The following PEBP4 variants were observed in gnomAD, a reference collection of about 807,000 sequenced individuals.
PEBP4 encodes phosphatidylethanolamine binding protein 4, also known as phosphatidylethanolamine-binding protein 4.
A neutral mutation model predicts 23.9 loss-of-function variants in PEBP4; 22 were observed. The observed-to-expected ratio is 0.92, with a 90% CI of 0.66 to 1.31. The LOEUF is 1.31. PEBP4 is among the 40% of genes most tolerant of loss of function. The pLI is 0.00. For synonymous variants in PEBP4, 112 were observed against 99.3 expected, an observed-to-expected ratio of 1.13 and a Z score of -0.76; for missense variants, 324 against 281.7, an observed-to-expected ratio of 1.15 and a Z score of -1.07.
chr8:22,733,834 GGGGAATTGGGGAGGGT>G (rs1804792104), intron 4 of PEBP4, among the ~76,000 whole-genome samples: 1 of 136,280 alleles, frequency 7.3e-6, no homozygotes, highest in Non-Finnish European at 1.6e-5. Flanking sequence ...GGTGGGGATG[GGGGAATTGGGGAGGGT>G]GGGGATGGGG....
chr8:22,741,871 A>G (rs927752386), intron 4 of PEBP4, among the ~76,000 whole-genome samples: 1 of 152,170 alleles, frequency 6.6e-6, no homozygotes, highest in African/African-American at 2.4e-5. Flanking sequence ...AACCATGACA[A>G]GGGCCCAGCT....
intron 4 of PEBP4, among the ~76,000 whole-genome samples, chr8:22,808,143 A>G (rs750452723): frequency 3.3e-5 from 5 of 149,784 alleles, no homozygotes; most frequent in Non-Finnish European, 5.9e-5. Flanking sequence ...CCATCCATTC[A>G]TCACTCCATC....
intron 2 of PEBP4, chr8:22,924,681 G>T (rs2128781491): frequency 1.0e-6 from 1 of 985,380 alleles, no homozygotes; most frequent in Non-Finnish European, 1.2e-6. Flanking sequence ...ATCCCTAGGG[G>T]AGCTTGCAGG....
intron 4 of PEBP4, among the ~76,000 whole-genome samples, chr8:22,740,495 C>T (rs1159675377): frequency 6.6e-6 from 1 of 152,182 alleles, no homozygotes; most frequent in Non-Finnish European, 1.5e-5. Context: ...GACTTCTACG[C>T]ACACTAAAGT....
intron 3 of PEBP4, among the ~76,000 whole-genome samples, chr8:22,841,270 G>T (rs112261616): frequency 2.0e-5 from 3 of 152,262 alleles, no homozygotes; most frequent in East Asian, 1.9e-4. Flanking sequence ...GGCCCTTTGA[G>T]GGGGTGGAAG....
intron 4 of PEBP4, among the ~76,000 whole-genome samples, chr8:22,742,400 G>A (rs920042315): frequency 2.6e-5 from 4 of 152,180 alleles, no homozygotes; most frequent in African/African-American, 4.8e-5. Flanking sequence ...GGGAAAGAGG[G>A]TGAGACCCCT....
At chr8:22,763,388 T>C (rs1056669448) in intron 4 of PEBP4, among the ~76,000 whole-genome samples, 72 of 152,370 alleles carry the variant, frequency 4.7e-4, no homozygotes, top group African/African-American at 1.7e-3. Context: ...TTCTTGGCTC[T>C]GGACACTGCC....
At chr8:22,821,984 C>CAAAAA (rs113380878) in intron 3 of PEBP4, among the ~76,000 whole-genome samples, 218 of 130,948 alleles carry the variant, frequency 1.7e-3, no homozygotes, top group African/African-American at 5.9e-3. Context: ...GACCTCGTCT[C>CAAAAA]AAAAAAAAAA....
intron 5 of PEBP4, among the ~76,000 whole-genome samples, chr8:22,725,894 C>A (rs1804613813): frequency 6.6e-6 from 1 of 152,290 alleles, no homozygotes; most frequent in Admixed American, 6.5e-5. Context: ...CTGGAAGAGT[C>A]CCTCACTGTG....
intron 4 of PEBP4, among the ~76,000 whole-genome samples, chr8:22,790,733 GCAAA>G (rs1373312392): frequency 6.6e-6 from 1 of 152,180 alleles, no homozygotes; most frequent in Non-Finnish European, 1.5e-5. Flanking sequence ...TCCTTTCTCA[GCAAA>G]CAGACGGGGT....
chr8:22,821,826 A>T (rs1275275427), intron 3 of PEBP4, among the ~76,000 whole-genome samples: 1 of 152,108 alleles, frequency 6.6e-6, no homozygotes, highest in East Asian at 1.9e-4. Context: ...TCTACTAAAA[A>T]TATAAAAAAT....
intron 4 of PEBP4, among the ~76,000 whole-genome samples, chr8:22,732,634 T>TGTGTGTG (rs1554479294): frequency 2.5e-3 from 370 of 149,226 alleles, no homozygotes; most frequent in Admixed American, 7.1e-3. Flanking sequence ...CTGGCCCCAT[T>TGTGTGTG]TGTGTGTGTG....
rs777328960 is a variant in PEBP4 at position 22,920,190 on chromosome 8, G to A, written c.252C>T (p.Ala84=). Residue 84 remains alanine (A), a synonymous_variant, in exon 3 of 7, where the codon GCC becomes GCT. Transcript: ENST00000256404. The part of the protein sequence containing the change: ...WMEPIVKFPG[A]VDGATYILVM... ...CACAGCCCTGCTCACTCACGTCCAC[G>A]GCCCCCGGGAACTTGACTATCGGCT... The A allele has an allele frequency of 9.9e-6, 16 of 1,609,194 alleles. No homozygotes were observed. The highest frequency in any genetic ancestry group is 3.3e-5 in the Admixed American group (2 of 59,894).
At chr8:22,938,439 T>A (rs1419656736) in intron 1 of PEBP4, among the ~76,000 whole-genome samples, 1 of 152,224 alleles carries the variant, frequency 6.6e-6, no homozygotes. Context: ...CTGGGTATCT[T>A]GTCATATCTG....
intron 3 of PEBP4, among the ~76,000 whole-genome samples, chr8:22,902,580 G>C (rs987249745): frequency 1.7e-4 from 26 of 152,072 alleles, no homozygotes; most frequent in Admixed American, 2.6e-4. Flanking sequence ...TGCACAGCCT[G>C]GGTGGCCTGG....
chr8:22,932,936 C>T (rs1243931749), intron 1 of PEBP4, among the ~76,000 whole-genome samples: 3 of 147,582 alleles, frequency 2.0e-5, no homozygotes, highest in South Asian at 2.1e-4. Context: ...ACCCAGGAGG[C>T]GGAGATTGCA....
At chr8:22,853,110 A>G (rs1807579651) in intron 3 of PEBP4, among the ~76,000 whole-genome samples, 1 of 152,236 alleles carries the variant, frequency 6.6e-6, no homozygotes, top group Admixed American at 6.5e-5. Flanking sequence ...TTCCAGTTTC[A>G]TTTCAATCTG....
intron 3 of PEBP4, among the ~76,000 whole-genome samples, chr8:22,840,448 C>G (rs1278718097): frequency 6.7e-6 from 1 of 150,286 alleles, no homozygotes; most frequent in Non-Finnish European, 1.5e-5. Context: ...ACCATCTTGC[C>G]TGGGCTGGTC....
intron 3 of PEBP4, among the ~76,000 whole-genome samples, chr8:22,868,727 T>A (rs1328842000): frequency 1.3e-5 from 2 of 152,094 alleles, no homozygotes; most frequent in African/African-American, 4.8e-5. Context: ...CACCCCCATA[T>A]CGAATCTAGC....
Sources: gnomAD v4.1 joint callset for allele counts (sites outside exome capture counted in the v4.1 genomes callset) on GRCh38, gnomAD v4.1.1 for gene constraint, MANE v1.5 for transcripts, NCBI Gene and HGNC (gene_info 2026-07-23, HGNC 2026-07-21) for gene names.